LAMA2: variants seen among roughly 807,000 people sequenced by gnomAD.
LAMA2 encodes laminin subunit alpha 2.
Under a neutral mutation model 364.8 loss-of-function variants are expected in LAMA2, and 269 were observed. That is an observed-to-expected ratio of 0.74 (90% CI 0.67 to 0.82). LAMA2 has a LOEUF of 0.82. Among genes scored for constraint, LAMA2 ranks in the 40% least tolerant of loss-of-function variants. The probability of loss-of-function intolerance (pLI) is 0.00; values close to 1 mark genes in which losing one functional copy is unlikely to be tolerated. For missense variants in LAMA2, 3,807 were observed against 3,873.2 expected (o/e 0.98, Z 0.45); for synonymous variants, 1,379 against 1,370.6 (o/e 1.01, Z -0.14).
chr6:129,210,461 TAGAA>T (rs1295595062), intron 12 of LAMA2, among the ~76,000 whole-genome samples: 1 of 152,060 alleles, frequency 6.6e-6, no homozygotes, highest in Non-Finnish European at 1.5e-5. Flanking sequence ...AAATGAATCT[TAGAA>T]AGCAGCTATT....
chr6:129,229,656 G>C (rs1165020281), intron 12 of LAMA2, among the ~76,000 whole-genome samples: 2 of 89,062 alleles, frequency 2.2e-5, no homozygotes, highest in Non-Finnish European at 7.1e-5. Context: ...TAGCTGTGAA[G>C]TCTTGGACCA....
At chr6:129,262,898 A>C (rs1787231215) in intron 15 of LAMA2, among the ~76,000 whole-genome samples, 1 of 152,154 alleles carries the variant, frequency 6.6e-6, no homozygotes, top group Non-Finnish European at 1.5e-5. Context: ...CATTGTAGAC[A>C]TTCTCTTTTA....
At chr6:129,315,406 T>A (rs902105983) in intron 24 of LAMA2, 70 bp from the exon 25 acceptor site, 41 of 1,381,510 alleles carry the variant, frequency 3.0e-5, no homozygotes, top group Non-Finnish European at 4.0e-5. Context: ...GACATGCAGT[T>A]CGTAACTTAG....
At chr6:129,373,313 A>G (rs1286636245) in intron 34 of LAMA2, among the ~76,000 whole-genome samples, 1 of 152,162 alleles carries the variant, frequency 6.6e-6, no homozygotes, top group Non-Finnish European at 1.5e-5. Flanking sequence ...TTCCAATACT[A>G]TTTTAAAATA....
intron 30 of LAMA2, among the ~76,000 whole-genome samples, chr6:129,342,975 C>T (rs1275818212): frequency 4.6e-5 from 7 of 152,020 alleles, no homozygotes; most frequent in East Asian, 1.9e-4. Flanking sequence ...TGTCATCTCC[C>T]GGAATCACAG....
chr6:129,297,744 T>C lies in LAMA2; in HGVS notation c.2916T>C (p.Phe972=). The part of the protein sequence containing the change: ...RGCVPCNCNS[F]GSKSFDCEES... ...GTGTTCCCTGCAACTGCAATTCTTT[T>C]GGGTCTAAGTCATTCGACTGTGAAG... Residue 972 remains phenylalanine (F), a synonymous_variant, in exon 21 of 65, where the codon TTT becomes TTC. Transcript: ENST00000421865. 6.2e-7 allele frequency: 1 copy of C among 1,614,148 alleles called. No individual in the cohort carries two copies.
intron 41 of LAMA2, among the ~76,000 whole-genome samples, chr6:129,432,815 C>T (rs1379306445): frequency 1.3e-5 from 2 of 152,182 alleles, no homozygotes; most frequent in Non-Finnish European, 2.9e-5. Context: ...AGAGGGGACT[C>T]CCTTTTATCC....
intron 1 of LAMA2, among the ~76,000 whole-genome samples, chr6:128,952,100 G>A (rs1780858303): frequency 6.6e-6 from 1 of 152,164 alleles, no homozygotes. Context: ...CCAGGAGTTT[G>A]AGGCTGCAGT....
At chr6:129,125,393 C>A (rs1359580826) in intron 4 of LAMA2, among the ~76,000 whole-genome samples, 1 of 152,192 alleles carries the variant, frequency 6.6e-6, no homozygotes, top group East Asian at 1.9e-4. Flanking sequence ...TAATATCACC[C>A]AGGAAGTACA....
intron 34 of LAMA2, among the ~76,000 whole-genome samples, chr6:129,382,015 TG>T (rs1562511544): frequency 6.6e-6 from 1 of 152,222 alleles, no homozygotes; most frequent in African/African-American, 2.4e-5. Flanking sequence ...TGTTCTGTGC[TG>T]GCCAGACATT....
Position 129,353,531 on chromosome 6 carries a change from C to T in LAMA2, c.4717+174C>T, listed in dbSNP as rs1191505406. On this transcript the variant is annotated intron_variant, in intron 32 of 64. Coordinates refer to ENST00000421865, the MANE Select transcript of LAMA2 (RefSeq NM_000426.4). ...CCTTCTGCTGTTCACCTGCTGATTG[C>T]GTGTCCATCCTGCTGAGCCAAGAAC... 2.0e-5 allele frequency among the ~76,000 whole-genome samples: 3 copies of T among 150,674 alleles called. No homozygotes were observed. The highest frequency in any genetic ancestry group is 1.3e-4 in the Admixed American group (2 of 15,014).
chr6:129,257,146 T>C (rs1165735855), intron 14 of LAMA2, among the ~76,000 whole-genome samples: 4 of 151,998 alleles, frequency 2.6e-5, no homozygotes, highest in South Asian at 4.1e-4. Context: ...TACTATATTA[T>C]TGCCAACATT....
At chr6:129,378,461 A>G (rs887084045) in intron 34 of LAMA2, among the ~76,000 whole-genome samples, 3 of 152,166 alleles carry the variant, frequency 2.0e-5, no homozygotes, top group South Asian at 2.1e-4. Context: ...TCTCGTGGGT[A>G]TTTTTGACCA....
At chr6:129,413,110 T>G (rs187492340) in intron 40 of LAMA2, among the ~76,000 whole-genome samples, 96 of 152,222 alleles carry the variant, frequency 6.3e-4, no homozygotes, top group Non-Finnish European at 9.4e-4. Flanking sequence ...AAATGAGAGA[T>G]AAGATACACT....
intron 30 of LAMA2, 151 bp from the exon 31 acceptor site, chr6:129,349,147 A>G (rs1776719515): frequency 1.5e-6 from 1 of 661,066 alleles, no homozygotes; most frequent in Non-Finnish European, 2.7e-6. Context: ...GTGACGTCCT[A>G]GCCTTAAATA....
At chr6:129,211,061 C>T (rs892361458) in intron 12 of LAMA2, among the ~76,000 whole-genome samples, 1 of 152,162 alleles carries the variant, frequency 6.6e-6, no homozygotes, top group Non-Finnish European at 1.5e-5. Flanking sequence ...ACAAACAGAT[C>T]AGGTGAATTA....
At chr6:129,078,132 ATT>A (rs10711821) in intron 3 of LAMA2, among the ~76,000 whole-genome samples, 3,637 of 144,784 alleles carry the variant, frequency 0.025, 57 homozygotes, top group Non-Finnish European at 0.034. Flanking sequence ...AAATCTCTGT[ATT>A]TTTTTTTTTT....
chr6:129,416,492 G>C (rs1780795471), intron 40 of LAMA2, among the ~76,000 whole-genome samples: 1 of 152,110 alleles, frequency 6.6e-6, no homozygotes, highest in Admixed American at 6.5e-5. Flanking sequence ...CACTGGGCCA[G>C]ATATGTCAGG....
intron 29 of LAMA2, among the ~76,000 whole-genome samples, chr6:129,335,794 A>G (rs1377805808): frequency 6.6e-6 from 1 of 152,198 alleles, no homozygotes; most frequent in Non-Finnish European, 1.5e-5. Context: ...GCAACCTATA[A>G]AGCCTTGAAC....
Sources: allele counts gnomAD v4.1 joint callset (sites outside exome capture counted in the v4.1 genomes callset), GRCh38; gene constraint gnomAD v4.1.1; transcripts MANE v1.5; gene names NCBI Gene and HGNC (gene_info 2026-07-23, HGNC 2026-07-21).